The following HTR4 variants were observed in gnomAD, a reference collection of about 807,000 sequenced individuals.
The protein encoded by HTR4 is 5-hydroxytryptamine receptor 4.
Under a neutral mutation model 36.8 loss-of-function variants are expected in HTR4, and 16 were observed. The ratio of observed to expected loss-of-function variants is 0.43; its 90% CI spans 0.29 to 0.66. The LOEUF (loss-of-function observed/expected upper bound fraction) is 0.66, where lower values mean the gene tolerates loss of function less well. HTR4 is among the 30% of genes least tolerant of loss of function. The pLI, the probability that HTR4 is intolerant of heterozygous loss-of-function variation, is 0.13. For missense variants in HTR4, 438 were observed against 490.9 expected, an observed-to-expected ratio of 0.89 and a Z score of 1.02; for synonymous variants, 189 against 185.1, an observed-to-expected ratio of 1.02 and a Z score of -0.17.
chr5:148,471,456 T>C (rs1755565652), intron 5 of HTR4, among the ~76,000 whole-genome samples: 1 of 152,202 alleles, frequency 6.6e-6, no homozygotes, highest in African/African-American at 2.4e-5. Flanking sequence ...AAGGCAATAA[T>C]ATATTCCTTA....
intron 2 of HTR4, among the ~76,000 whole-genome samples, chr5:148,602,603 G>A (rs1275493872): frequency 1.3e-5 from 2 of 152,010 alleles, no homozygotes; most frequent in African/African-American, 4.8e-5. Flanking sequence ...AAATTGAAAA[G>A]CAAATTAATC....
chr5:148,590,229 G>A (rs767026686), intron 2 of HTR4, among the ~76,000 whole-genome samples: 2 of 131,706 alleles, frequency 1.5e-5, no homozygotes, highest in Non-Finnish European at 3.3e-5. Context: ...CAGGATTTTA[G>A]TTCTACCTTG....
At chr5:148,508,040 A>G (rs894659533) in intron 6 of HTR4, among the ~76,000 whole-genome samples, 42 of 152,198 alleles carry the variant, frequency 2.8e-4, no homozygotes, top group African/African-American at 9.4e-4. Context: ...GGCTTTAGCT[A>G]CAAATCTGCC....
At chr5:148,455,401 C>T (rs1233194853) in intron 5 of HTR4, among the ~76,000 whole-genome samples, 1 of 152,204 alleles carries the variant, frequency 6.6e-6, no homozygotes, top group Non-Finnish European at 1.5e-5. Context: ...AAAAGATGTA[C>T]TGCCGTGGAA....
At chr5:148,504,700 C>T (rs538738790) in intron 6 of HTR4, among the ~76,000 whole-genome samples, 51 of 152,110 alleles carry the variant, frequency 3.4e-4, no homozygotes, top group Admixed American at 9.8e-4. Flanking sequence ...TCAATGAATC[C>T]AGGAGCTGGT....
At chr5:148,599,967 A>G (rs1451896775) in intron 2 of HTR4, among the ~76,000 whole-genome samples, 1 of 151,786 alleles carries the variant, frequency 6.6e-6, no homozygotes, top group Non-Finnish European at 1.5e-5. Flanking sequence ...AAAAGCAATA[A>G]TAAAAGACAA....
intron 4 of HTR4, among the ~76,000 whole-genome samples, chr5:148,529,300 C>T (rs1758438246): frequency 6.6e-6 from 1 of 152,140 alleles, no homozygotes; most frequent in Admixed American, 6.5e-5. Context: ...TGTACCCACC[C>T]AAATCTCATC....
rs186084094 is a variant in HTR4, at chr5:148,575,259, C to T, written c.27-24997G>A. Among the ~76,000 whole-genome samples the T allele has an allele frequency of 1.1e-3, 166 of 152,150 alleles. 1 individual carries two copies. The highest frequency in any genetic ancestry group is 3.7e-3 in the African/African-American group (154 of 41,548). ...ATACCTCAACACGGCCTTCCTGTGA[C>T]GCCAGTTACCCTGTCCAAACACTGA... On this transcript the variant is annotated intron_variant, in intron 2 of 6. Transcript: ENST00000377888.
intron 4 of HTR4, among the ~76,000 whole-genome samples, chr5:148,523,769 G>T (rs17639329): frequency 0.033 from 4,969 of 152,234 alleles, 119 homozygotes; most frequent in Non-Finnish European, 0.052. Flanking sequence ...CACACCAGAA[G>T]GTCTTTTCTA....
intron 2 of HTR4, among the ~76,000 whole-genome samples, chr5:148,631,577 C>G (rs1269214941): frequency 6.6e-6 from 1 of 151,994 alleles, no homozygotes; most frequent in Non-Finnish European, 1.5e-5. Context: ...TAAAAATTAC[C>G]ATTTCATTTC....
chr5:148,497,995 T>C (rs1756762235), intron 6 of HTR4, among the ~76,000 whole-genome samples: 2 of 152,234 alleles, frequency 1.3e-5, no homozygotes, highest in Non-Finnish European at 2.9e-5. Flanking sequence ...CCAAAGACAC[T>C]TCTTGTCCAA....
chr5:148,482,902 C>T lies in HTR4; in HGVS notation c.*301G>A, dbSNP rs1755955363. The T allele has an allele frequency of 7.8e-7, 1 of 1,286,956 alleles. No individual in the cohort carries two copies. The allele number at this position is 1,286,956 out of a possible 1,614,324, so 79.7% of individuals were successfully genotyped here. On this transcript the variant is annotated 3_prime_UTR_variant, in exon 7 of 7. Transcript: ENST00000377888. ...TAGAACGTGAGTGAGACAGATCAGA[C>T]ACAGTGAGTGACGGGAACATGTCAG...
chr5:148,553,623 C>T (rs990630842), intron 2 of HTR4, among the ~76,000 whole-genome samples: 7 of 152,108 alleles, frequency 4.6e-5, no homozygotes, highest in Admixed American at 4.6e-4. Flanking sequence ...GTTTTGTGTT[C>T]CCTGGCACAG....
chr5:148,615,810 A>C (rs994234910), intron 2 of HTR4, among the ~76,000 whole-genome samples: 10 of 152,184 alleles, frequency 6.6e-5, no homozygotes, highest in Admixed American at 5.9e-4. Flanking sequence ...CTCAGGTAAA[A>C]TGCTGATTCA....
intron 1 of HTR4, among the ~76,000 whole-genome samples, chr5:148,646,699 G>A (rs1052833421): frequency 3.3e-5 from 5 of 152,180 alleles, no homozygotes; most frequent in Non-Finnish European, 7.3e-5. Context: ...AGAAGCAGAA[G>A]GAAAGCAATG....
chr5:148,585,173 T>G (rs987019680), intron 2 of HTR4, among the ~76,000 whole-genome samples: 1 of 152,138 alleles, frequency 6.6e-6, no homozygotes, highest in African/African-American at 2.4e-5. Flanking sequence ...ATAAAATGCT[T>G]AAAATGGCAC....
chr5:148,589,386 T>C (rs1761473886), intron 2 of HTR4, among the ~76,000 whole-genome samples: 1 of 152,204 alleles, frequency 6.6e-6, no homozygotes, highest in South Asian at 2.1e-4. Flanking sequence ...TTGTCTTTGA[T>C]TTATAAAGTT....
intron 2 of HTR4, among the ~76,000 whole-genome samples, chr5:148,627,337 TGTCG>T: frequency 7.0e-6 from 1 of 143,192 alleles, no homozygotes; most frequent in East Asian, 2.3e-4. Flanking sequence ...CTAAGAAGTT[TGTCG>T]ATTTTTTTAA....
intron 4 of HTR4, among the ~76,000 whole-genome samples, chr5:148,542,865 G>C (rs192514082): frequency 6.6e-6 from 1 of 152,076 alleles, no homozygotes. Context: ...CCAGCCTAAG[G>C]GGAACTGGTA....
Sources: allele counts gnomAD v4.1 joint callset (sites outside exome capture counted in the v4.1 genomes callset), GRCh38; gene constraint gnomAD v4.1.1; transcripts MANE v1.5; gene names NCBI Gene and HGNC (gene_info 2026-07-23, HGNC 2026-07-21).